MYO10: variants seen among roughly 807,000 people sequenced by gnomAD.
The protein encoded by MYO10 is myosin X, also known as unconventional myosin-X.
MYO10 carries 133 observed loss-of-function variants against 257.3 expected under a neutral mutation model. The observed-to-expected ratio is 0.52, with a 90% confidence interval of 0.45 to 0.60. MYO10 has a LOEUF of 0.60. Ranked by LOEUF, MYO10 falls within the 20% of genes least tolerant of loss-of-function variation. The probability of loss-of-function intolerance (pLI) is 0.00; values close to 1 mark genes in which losing one functional copy is unlikely to be tolerated. For missense variants in MYO10, 2,399 were observed against 2,635.7 expected, an observed-to-expected ratio of 0.91 and a Z score of 1.97; for synonymous variants, 1,104 against 1,028.6, an observed-to-expected ratio of 1.07 and a Z score of -1.40.
intron 4 of MYO10, among the ~76,000 whole-genome samples, chr5:16,786,616 C>G (rs1457383159): frequency 2.0e-5 from 3 of 152,106 alleles, no homozygotes; most frequent in African/African-American, 7.2e-5. Context: ...CAAATTTTCA[C>G]ATGAGGGATG....
At chr5:16,667,911 G>A (rs976033882) in intron 40 of MYO10, among the ~76,000 whole-genome samples, 1 of 152,236 alleles carries the variant, frequency 6.6e-6, no homozygotes, top group East Asian at 1.9e-4. Flanking sequence ...CACCAGAGCC[G>A]AGTCTCACAG....
chr5:16,766,939 G>C (rs1740889216), intron 10 of MYO10, among the ~76,000 whole-genome samples: 1 of 150,422 alleles, frequency 6.6e-6, no homozygotes, highest in Non-Finnish European at 1.5e-5. Context: ...TGGCTAGGTT[G>C]GTCTTGAACT....
chr5:16,825,438 T>C (rs183666490), intron 2 of MYO10, among the ~76,000 whole-genome samples: 2 of 152,386 alleles, frequency 1.3e-5, no homozygotes, highest in African/African-American at 4.8e-5. Context: ...TGTTTTTCCC[T>C]GTGAACTACT....
At chr5:16,839,325 T>C (rs910227541) in intron 2 of MYO10, among the ~76,000 whole-genome samples, 1 of 152,120 alleles carries the variant, frequency 6.6e-6, no homozygotes, top group Non-Finnish European at 1.5e-5. Flanking sequence ...CCCTCATGTA[T>C]GACATTGAGG....
chr5:16,821,789 A>C lies in MYO10; in HGVS notation c.121-3622T>G, dbSNP rs542112639. Among the ~76,000 whole-genome samples, 18 of 152,054 alleles carry C rather than the reference A, an allele frequency of 1.2e-4. 1 individual carries two copies. The South Asian group carries it at 2.5e-3, about 21-fold the overall frequency. ...CCCCTTTCCTCCTATTTTCAGGAGCACATTACGCATGCCCATTCCAGGGGT... is the reference window on the plus strand; with the variant it reads ...CCCCTTTCCTCCTATTTTCAGGAGCCCATTACGCATGCCCATTCCAGGGGT... On this transcript the variant is annotated intron_variant, in intron 2 of 40. Transcript: ENST00000513610.
intron 2 of MYO10, among the ~76,000 whole-genome samples, chr5:16,841,820 T>C (rs1303204239): frequency 2.0e-5 from 3 of 152,196 alleles, no homozygotes; most frequent in Non-Finnish European, 2.9e-5. Flanking sequence ...AAGCTCATGA[T>C]CTCTTTGTCC....
chr5:16,892,166 G>C (rs1370572433), intron 1 of MYO10, among the ~76,000 whole-genome samples: 1 of 152,124 alleles, frequency 6.6e-6, no homozygotes, highest in African/African-American at 2.4e-5. Context: ...TTCAGTATGA[G>C]GTTACAGAAA....
rs1737229755 is a variant in MYO10, at chr5:16,685,839, G to A, written c.3897-8C>T. 3.2e-6 allele frequency: 5 copies of A among 1,583,508 alleles called. No individual in the cohort carries two copies. Among genetic ancestry groups the A allele is most frequent in the Non-Finnish European group, 4.3e-6 (5 of 1,164,798 alleles). On this transcript the variant is annotated splice_region_variant and splice_polypyrimidine_tract_variant and intron_variant, in intron 28 of 40. Coordinates refer to ENST00000513610, the MANE Select transcript of MYO10 (RefSeq NM_012334.3). ...AGCACGCTGAACCACTGGCTGTGGG[G>A]AAGAGAGAGCAACTGTCAAGGAGAG...
At chr5:16,864,345 G>A (rs888440880) in intron 2 of MYO10, among the ~76,000 whole-genome samples, 5 of 152,116 alleles carry the variant, frequency 3.3e-5, no homozygotes, top group Non-Finnish European at 5.9e-5. Context: ...GCTCGGCTCC[G>A]AGGTGCTGAT....
intron 26 of MYO10, among the ~76,000 whole-genome samples, chr5:16,695,525 T>TG (rs1242096120): frequency 1.4e-5 from 2 of 147,006 alleles, no homozygotes; most frequent in African/African-American, 5.0e-5. Flanking sequence ...ACTGAGACTA[T>TG]GAAAAAAAAA....
chr5:16,762,238 T>C (rs1740737592), intron 15 of MYO10, 125 bp from the exon 16 acceptor site: 1 of 1,275,100 alleles, frequency 7.8e-7, no homozygotes, highest in Admixed American at 3.3e-5. Context: ...TTGCCATGGA[T>C]CTGCGTTTCA....
At chr5:16,876,120 A>T (rs1269738040) in intron 2 of MYO10, among the ~76,000 whole-genome samples, 2 of 152,032 alleles carry the variant, frequency 1.3e-5, no homozygotes, top group Non-Finnish European at 2.9e-5. Flanking sequence ...CTCAGAAAAT[A>T]AAAAAATAAA....
intron 3 of MYO10, among the ~76,000 whole-genome samples, chr5:16,807,021 G>C (rs931700259): frequency 1.3e-5 from 2 of 152,194 alleles, no homozygotes; most frequent in African/African-American, 2.4e-5. Flanking sequence ...GATACAATTT[G>C]AAATGCACTG....
intron 30 of MYO10, among the ~76,000 whole-genome samples, chr5:16,683,300 A>C (rs1737091953): frequency 6.6e-6 from 1 of 152,204 alleles, no homozygotes; most frequent in East Asian, 1.9e-4. Context: ...AGTAGAACTT[A>C]CAAGATAATA....
At chr5:16,674,804 C>G in intron 35 of MYO10, 49 bp downstream of exon 35, 2 of 1,598,904 alleles carry the variant, frequency 1.3e-6, no homozygotes, top group Non-Finnish European at 1.7e-6. Flanking sequence ...AGTGCCCCAC[C>G]TGTGTAAGCA....
intron 19 of MYO10, among the ~76,000 whole-genome samples, chr5:16,734,149 C>T (rs1238032557): frequency 6.6e-6 from 1 of 152,010 alleles, no homozygotes; most frequent in Non-Finnish European, 1.5e-5. Context: ...AGTATATGCT[C>T]CTAAATCCAA....
At chr5:16,727,752 G>C (rs910690402) in intron 19 of MYO10, among the ~76,000 whole-genome samples, 2 of 151,956 alleles carry the variant, frequency 1.3e-5, no homozygotes, top group African/African-American at 4.8e-5. Context: ...AACTGTTGAA[G>C]CCAGCATCTT....
intron 2 of MYO10, among the ~76,000 whole-genome samples, chr5:16,856,915 G>A (rs114395780): frequency 0.012 from 1,851 of 152,290 alleles, 34 homozygotes; most frequent in Middle Eastern, 0.034. Flanking sequence ...GAAATCTATG[G>A]AAACTTTGGG....
At chr5:16,668,671 T>G (rs776939157) in intron 39 of MYO10, among the ~76,000 whole-genome samples, 7 of 152,306 alleles carry the variant, frequency 4.6e-5, no homozygotes, top group Non-Finnish European at 1.0e-4. Flanking sequence ...AATCTCACGC[T>G]TTTGGGAAAA....
Sources: gnomAD v4.1 joint callset for allele counts (sites outside exome capture counted in the v4.1 genomes callset) on GRCh38, gnomAD v4.1.1 for gene constraint, MANE v1.5 for transcripts, NCBI Gene and HGNC (gene_info 2026-07-23, HGNC 2026-07-21) for gene names.